NEDD9: variants seen among roughly 807,000 people sequenced by gnomAD.
NEDD9 encodes neural precursor cell expressed, developmentally down-regulated 9.
In NEDD9, 26 loss-of-function variants were observed where a neutral mutation model predicts 76.6. The ratio of observed to expected loss-of-function variants is 0.34; its 90% CI spans 0.25 to 0.47. The LOEUF is 0.47. Among genes scored for constraint, NEDD9 ranks in the 20% least tolerant of loss-of-function variants. The probability of loss-of-function intolerance (pLI) is 1.00; values close to 1 mark genes in which losing one functional copy is unlikely to be tolerated. For synonymous variants in NEDD9, 392 were observed against 414.2 expected (o/e 0.95, Z 0.65); for missense variants, 937 against 1,058.5 (o/e 0.89, Z 1.59).
intron 3 of NEDD9, among the ~76,000 whole-genome samples, chr6:11,267,149 G>A (rs180884571): frequency 9.2e-5 from 14 of 152,168 alleles, no homozygotes; most frequent in Middle Eastern, 3.4e-3. Context: ...GCCTTCAATC[G>A]CTTTTTCTGA....
At chr6:11,346,477 G>GCC (rs57973517) in intron 1 of NEDD9, among the ~76,000 whole-genome samples, 3,474 of 145,000 alleles carry the variant, frequency 0.024, 83 homozygotes, top group African/African-American at 0.053. Flanking sequence ...AGGCTCGGAG[G>GCC]CCCCCCCCCC....
intron 3 of NEDD9, among the ~76,000 whole-genome samples, chr6:11,263,910 A>G (rs1760158030): frequency 6.6e-6 from 1 of 152,238 alleles, no homozygotes; most frequent in Admixed American, 6.5e-5. Context: ...TAATCCATGT[A>G]GATATCAGAG....
At chr6:11,324,465 G>A (rs1317903534) in intron 2 of NEDD9, among the ~76,000 whole-genome samples, 1 of 152,188 alleles carries the variant, frequency 6.6e-6, no homozygotes, top group East Asian at 1.9e-4. Flanking sequence ...TGCAGGGCCA[G>A]CTTCATGGCA....
intron 2 of NEDD9, among the ~76,000 whole-genome samples, chr6:11,206,973 A>G (rs769057625): frequency 2.0e-5 from 3 of 152,254 alleles, no homozygotes; most frequent in Non-Finnish European, 4.4e-5. Context: ...ATCGAGGCAA[A>G]CAATTCATAT....
chr6:11,360,370 C>T (rs909043155), intron 1 of NEDD9, among the ~76,000 whole-genome samples: 9 of 152,164 alleles, frequency 5.9e-5, no homozygotes, highest in African/African-American at 2.2e-4. Flanking sequence ...AGTGAATAAC[C>T]CACACACAGG....
chr6:11,225,102 C>T (rs1017434598), intron 1 of NEDD9, among the ~76,000 whole-genome samples: 5 of 152,120 alleles, frequency 3.3e-5, no homozygotes, highest in African/African-American at 1.2e-4. Flanking sequence ...ATCCACCGCC[C>T]CCCTGCCCCC....
chr6:11,254,594 T>C (rs1475433983), intron 3 of NEDD9, among the ~76,000 whole-genome samples: 1 of 152,252 alleles, frequency 6.6e-6, no homozygotes, highest in African/African-American at 2.4e-5. Flanking sequence ...CAGTGTAAAC[T>C]GTACCTAAAA....
At chr6:11,261,402 T>C (rs1760111499) in intron 3 of NEDD9, among the ~76,000 whole-genome samples, 1 of 152,244 alleles carries the variant, frequency 6.6e-6, no homozygotes, top group South Asian at 2.1e-4. Context: ...TCTTAGTGTA[T>C]GTTAAAATCA....
intron 2 of NEDD9, chr6:11,200,055 G>A (rs1242000450): frequency 4.7e-6 from 1 of 214,162 alleles, no homozygotes; most frequent in Non-Finnish European, 9.8e-6. Context: ...GTTAATAGAG[G>A]TGAGATTGCT....
intron 2 of NEDD9, chr6:11,200,454 A>T: frequency 1.1e-6 from 1 of 908,662 alleles, no homozygotes. Context: ...ACAATCAAAG[A>T]TAAACAGGAA....
chr6:11,317,754 A>C (rs553035574), intron 2 of NEDD9, among the ~76,000 whole-genome samples: 8 of 152,180 alleles, frequency 5.3e-5, no homozygotes, highest in Non-Finnish European at 1.2e-4. Flanking sequence ...TGGCCAGTGC[A>C]CCCGAGAACA....
chr6:11,363,969 G>A (rs192663222), intron 1 of NEDD9, among the ~76,000 whole-genome samples: 19 of 152,306 alleles, frequency 1.2e-4, no homozygotes, highest in Non-Finnish European at 2.5e-4. Context: ...GTCTGAGACT[G>A]CTGTCTCAAT....
intron 3 of NEDD9, among the ~76,000 whole-genome samples, chr6:11,284,544 C>T (rs186681254): frequency 2.3e-3 from 353 of 151,376 alleles, no homozygotes; most frequent in African/African-American, 7.4e-3. Context: ...CCAGCCTGAG[C>T]GACAGAGCAA....
At position 11,185,374 on chromosome 6, in the gene NEDD9, G is replaced by T. The variant is rs1370254799; in HGVS notation, c.2293C>A (p.Arg765=). ...KLVFIGDTLT[R]QVTAQDIRNK... ...CGAATGTCCTGGGCAGTCACCTGCCGTGTCAGCGTGTCTCCAATGAACACC... is the reference window on the plus strand; with the variant it reads ...CGAATGTCCTGGGCAGTCACCTGCCTTGTCAGCGTGTCTCCAATGAACACC... Residue 765 remains arginine (R), a synonymous_variant, in exon 7 of 7, where the codon CGG becomes AGG. Transcript: ENST00000379446. 1 of 1,614,194 alleles carries T rather than the reference G, an allele frequency of 6.2e-7. No homozygotes were observed. Among genetic ancestry groups the T allele is most frequent in the East Asian group, 2.2e-5 (1 of 44,888 alleles).
At chr6:11,376,734 A>T (rs908281703) in intron 1 of NEDD9, among the ~76,000 whole-genome samples, 4 of 152,258 alleles carry the variant, frequency 2.6e-5, no homozygotes, top group African/African-American at 9.6e-5. Flanking sequence ...GAATCCAAGC[A>T]GGTTGTGAAA....
chr6:11,360,253 AAGG>A (rs1762654393), intron 1 of NEDD9, among the ~76,000 whole-genome samples: 1 of 152,350 alleles, frequency 6.6e-6, no homozygotes, highest in African/African-American at 2.4e-5. Flanking sequence ...CATATGAGGA[AAGG>A]GTTCAAATGC....
intron 1 of NEDD9, among the ~76,000 whole-genome samples, chr6:11,229,104 G>T (rs374865639): frequency 5.1e-4 from 77 of 152,280 alleles, no homozygotes; most frequent in Admixed American, 5.0e-3. Context: ...AGCGTTTCAC[G>T]GCACACAGGT....
intron 3 of NEDD9, among the ~76,000 whole-genome samples, chr6:11,295,687 G>A (rs1055510546): frequency 6.6e-6 from 1 of 152,120 alleles, no homozygotes; most frequent in Non-Finnish European, 1.5e-5. Flanking sequence ...AGCTTTGGAG[G>A]GCCTCTGTGA....
intron 3 of NEDD9, among the ~76,000 whole-genome samples, chr6:11,254,607 C>T (rs1296477207): frequency 6.6e-6 from 1 of 152,116 alleles, no homozygotes; most frequent in East Asian, 1.9e-4. Flanking sequence ...ACCTAAAACC[C>T]TGTATTTTTA....
Sources: gnomAD v4.1 joint callset for allele counts (sites outside exome capture counted in the v4.1 genomes callset) on GRCh38, gnomAD v4.1.1 for gene constraint, MANE v1.5 for transcripts, NCBI Gene and HGNC (gene_info 2026-07-23, HGNC 2026-07-21) for gene names.